The following METTL27 variants were observed in gnomAD, a reference collection of about 807,000 sequenced individuals.
The protein encoded by METTL27 is methyltransferase like 27.
In METTL27, 29 loss-of-function variants were observed where a neutral mutation model predicts 24.5. The ratio of observed to expected loss-of-function variants is 1.18; its 90% CI spans 0.88 to 1.61. The LOEUF is 1.61. Ranked by LOEUF, METTL27 falls within the 40% of genes most tolerant of loss-of-function variation. The pLI, the probability that METTL27 is intolerant of heterozygous loss-of-function variation, is 0.00. For synonymous variants in METTL27, 138 were observed against 146.8 expected, an observed-to-expected ratio of 0.94 and a Z score of 0.43; for missense variants, 341 against 324.3, an observed-to-expected ratio of 1.05 and a Z score of -0.40.
At chr7:73,840,835 C>T (rs4333464) in intron 3 of METTL27, among the ~76,000 whole-genome samples, 98,590 of 151,818 alleles carry the variant, frequency 0.65, 32,758 homozygotes, top group Non-Finnish European at 0.74. Context: ...ATTTTTAAAT[C>T]TGTTTGTAGA....
In METTL27 at chr7:73,842,005, CA is replaced by C. The variant is rs782810352; in HGVS notation, c.123+12del. The C allele has an allele frequency of 1.4e-5, 23 of 1,613,984 alleles. No homozygotes were observed. In the African/African-American group the frequency reaches 3.1e-4, roughly 22 times the overall value. On this transcript the variant is annotated intron_variant, in intron 2 of 5. Coordinates refer to ENST00000297873, the MANE Select transcript of METTL27 (RefSeq NM_152559.3). ...GGCTGGTCTAGTGGAGGCAAGGCCC[CA>C]AATGAGTTTACCTGGTCGTAGTCCG...
At chr7:73,841,885 G>T (rs975655323) in intron 2 of METTL27, 133 bp downstream of exon 2, 2 of 1,448,642 alleles carry the variant, frequency 1.4e-6, no homozygotes, top group Non-Finnish European at 9.4e-7. Flanking sequence ...TCTGGAAGGG[G>T]CAGGACTGTA....
rs782091046 is a variant in METTL27, at chr7:73,840,527, T to C, written c.275A>G (p.Gln92Arg). 5.0e-6 allele frequency: 8 copies of C among 1,604,286 alleles called. No individual in the cohort carries two copies. The South Asian group carries it at 8.9e-5, about 18-fold the overall frequency. Reference protein sequence around the residue: ...AAELRAPGFLQLHGVDGSPGM... With the variant: ...AAELRAPGFLRLHGVDGSPGM... Reference sequence around the variant, plus strand: ...TGGGCTCCCATCCACCCCATGCAGCTGGAGGAAGCCTGGAGCCCGCAGCTG... The same window carrying C: ...TGGGCTCCCATCCACCCCATGCAGCCGGAGGAAGCCTGGAGCCCGCAGCTG... Residue 92 changes from glutamine (Q) to arginine (R), a missense_variant, in exon 4 of 6, where the codon CAG (glutamine) becomes CGG (arginine). Gln to Arg is a conservative substitution (Grantham distance 43). Coordinates refer to ENST00000297873, the MANE Select transcript of METTL27 (RefSeq NM_152559.3).
At chr7:73,837,726 G>A (rs559129071) in intron 5 of METTL27, among the ~76,000 whole-genome samples, 1 of 152,188 alleles carries the variant, frequency 6.6e-6, no homozygotes, top group South Asian at 2.1e-4. Flanking sequence ...ACCACGCCCG[G>A]CTATTTTGTA....
Position 73,834,798 on chromosome 7 carries a change from G to A in METTL27, c.683C>T (p.Ser228Phe). The change falls in exon 6 of 6, where the codon TCT becomes TTT. Residue 228 changes from serine to phenylalanine, a missense_variant. By Grantham distance (155) the Ser-to-Phe change is radical. Coordinates refer to ENST00000297873, the MANE Select transcript of METTL27 (RefSeq NM_152559.3). ...TTCGGTACAGGTAGACAATGCCGGA[G>A]ATGAAGCCATCCTTGGCAGAGATGC... ...YPASLPRMAS[S>F]PALSTCTESG... is the part of the protein sequence containing the mutation. The A allele has an allele frequency of 6.2e-7, 1 of 1,614,178 alleles. No individual in the cohort carries two copies. The highest frequency in any genetic ancestry group is 8.5e-7 in the Non-Finnish European group (1 of 1,180,042).
chr7:73,840,339 G>A, intron 4 of METTL27, 75 bp downstream of exon 4: 1 of 1,542,554 alleles, frequency 6.5e-7, no homozygotes, highest in Non-Finnish European at 8.8e-7. Flanking sequence ...TAGTGTGGGA[G>A]AGGGATGGAG....
chr7:73,834,846 G>A lies in METTL27; in HGVS notation c.635C>T (p.Pro212Leu), dbSNP rs951793422. ...TGCCGGATACCACCTCCAGCTCGGA[G>A]GTAGCCAGCTCCCAGCGGTCCACAG... ...DRLWTAGSWL[P>L]PSWRWYPASL... The change falls in exon 6 of 6, where the codon CCT (proline) becomes CTT (leucine). Residue 212 changes from proline to leucine, a missense_variant. Pro to Leu is a moderately conservative substitution (Grantham distance 98, BLOSUM62 -3). Coordinates refer to ENST00000297873, the MANE Select transcript of METTL27 (RefSeq NM_152559.3). 1.9e-6 allele frequency: 3 copies of A among 1,614,126 alleles called. No homozygotes were observed. Among genetic ancestry groups the A allele is most frequent in the Non-Finnish European group, 2.5e-6 (3 of 1,180,028 alleles).
At position 73,840,132 on chromosome 7, in the gene METTL27, TGGGGGG is replaced by T; in HGVS notation, c.389-18_389-13del. On this transcript the variant is annotated splice_polypyrimidine_tract_variant and intron_variant, in intron 4 of 5. Coordinates refer to ENST00000297873, the MANE Select transcript of METTL27 (RefSeq NM_152559.3). ...CGCGTCGAAGGTCCCTGTGTGTGTGTGGGGGGGGGTGGGGACATGGTGTGATGCTTG... is the reference window on the plus strand; with the variant it reads ...CGCGTCGAAGGTCCCTGTGTGTGTGTGGGTGGGGACATGGTGTGATGCTTG... 1 of 820,040 alleles carries T rather than the reference TGGGGGG, an allele frequency of 1.2e-6. No homozygotes were observed. Among genetic ancestry groups the T allele is most frequent in the Non-Finnish European group, 1.6e-6 (1 of 618,378 alleles). The allele number at this position is 820,040 out of a possible 1,614,324, so 50.8% of individuals were successfully genotyped here. A position where few individuals can be genotyped will look rare whatever the true frequency, so the allele number is the denominator to read the frequency against.
chr7:73,841,949 T>A, intron 2 of METTL27, 69 bp downstream of exon 2: 2 of 1,612,370 alleles, frequency 1.2e-6, no homozygotes, highest in South Asian at 2.2e-5. Context: ...GGTGCAAGGC[T>A]GATTCCCCAC....
intron 5 of METTL27, 35 bp downstream of exon 5, chr7:73,839,996 G>C (rs577880844): frequency 1.3e-6 from 2 of 1,576,280 alleles, no homozygotes; most frequent in African/African-American, 1.3e-5. Flanking sequence ...ATATGGTGAC[G>C]GGGGTTGGGG....
At chr7:73,840,649 C>A in intron 3 of METTL27, 100 bp from the exon 4 acceptor site, 3 of 1,461,468 alleles carry the variant, frequency 2.1e-6, no homozygotes, top group Non-Finnish European at 2.7e-6. Flanking sequence ...CTGAATGTGG[C>A]CCATGCATTT....
intron 4 of METTL27, 67 bp downstream of exon 4, chr7:73,840,347 G>T: frequency 1.3e-6 from 2 of 1,546,086 alleles, no homozygotes. Context: ...GAGAGGGATG[G>T]AGGATCAGCA....
intron 5 of METTL27, among the ~76,000 whole-genome samples, chr7:73,838,044 G>A (rs1788257037): frequency 6.6e-6 from 1 of 151,940 alleles, no homozygotes; most frequent in Non-Finnish European, 1.5e-5. Flanking sequence ...GTAGAGATGG[G>A]GTCTTGCTAT....
At chr7:73,842,263 T>C in intron 1 of METTL27, 119 bp from the exon 2 acceptor site, 1 of 1,435,930 alleles carries the variant, frequency 7.0e-7, no homozygotes, top group Non-Finnish European at 9.2e-7. Context: ...GCGACCCCTA[T>C]CCCGGCCCCT....
chr7:73,838,471 C>T (rs1563651099), intron 5 of METTL27, among the ~76,000 whole-genome samples: 1 of 152,102 alleles, frequency 6.6e-6, no homozygotes, highest in Non-Finnish European at 1.5e-5. Context: ...CCCAAGTGCA[C>T]TGAGAAGGAG....
intron 3 of METTL27, 85 bp downstream of exon 3, chr7:73,840,985 G>A (rs1554636302): frequency 7.2e-7 from 1 of 1,389,438 alleles, no homozygotes; most frequent in Non-Finnish European, 9.3e-7. Context: ...CTGAGGTGTG[G>A]GGCAGGGTTC....
chr7:73,841,039 G>T, intron 3 of METTL27, 31 bp downstream of exon 3: 1 of 1,451,384 alleles, frequency 6.9e-7, no homozygotes, highest in South Asian at 1.5e-5. Context: ...GCGGGGCTAA[G>T]GAGTAGGCAG....
At chr7:73,835,143 C>CCCT (rs567433438) in intron 5 of METTL27, 141 bp from the exon 6 acceptor site, 100,389 of 984,706 alleles carry the variant, frequency 0.1, 16,067 homozygotes, top group Admixed American at 0.18. Context: ...CTCTCCCTCT[C>CCCT]CCTCTCCCTC....
intron 1 of METTL27, 85 bp from the exon 2 acceptor site, chr7:73,842,229 G>T: frequency 6.6e-7 from 1 of 1,508,838 alleles, no homozygotes. Flanking sequence ...CCCTTCAGAG[G>T]AGGCTGCCAG....
Sources: gnomAD v4.1 joint callset for allele counts (sites outside exome capture counted in the v4.1 genomes callset) on GRCh38, gnomAD v4.1.1 for gene constraint, MANE v1.5 for transcripts, NCBI Gene and HGNC (gene_info 2026-07-23, HGNC 2026-07-21) for gene names.